Variants in RUNX1 observed in about 807,000 individuals in gnomAD.
The protein encoded by RUNX1 is runt-related transcription factor 1.
Under a neutral mutation model 42.8 loss-of-function variants are expected in RUNX1, and 19 were observed. The ratio of observed to expected loss-of-function variants is 0.44; its 90% CI spans 0.31 to 0.65. RUNX1 has a LOEUF of 0.65. Ranked by LOEUF, RUNX1 falls within the 30% of genes least tolerant of loss-of-function variation. The pLI is 0.07. For missense variants in RUNX1, 528 were observed against 672.0 expected (o/e 0.79, Z 2.37); for synonymous variants, 271 against 289.4 (o/e 0.94, Z 0.64).
chr21:34,938,061 G>A (rs1186567780), intron 2 of RUNX1, among the ~76,000 whole-genome samples: 2 of 152,146 alleles, frequency 1.3e-5, no homozygotes, highest in African/African-American at 4.8e-5. Context: ...ACATGTATGG[G>A]TTCTGCAGTT....
intron 2 of RUNX1, among the ~76,000 whole-genome samples, chr21:34,930,391 C>T (rs1241236021): frequency 5.3e-5 from 8 of 150,606 alleles, no homozygotes; most frequent in Non-Finnish European, 1.2e-4. Flanking sequence ...GGAGGGATGG[C>T]CAAATAAGGT....
At chr21:35,038,358 C>G (rs918230627) in intron 2 of RUNX1, 1 of 337,012 alleles carries the variant, frequency 3.0e-6, no homozygotes, top group African/African-American at 2.2e-5. Flanking sequence ...AAAGAAAACA[C>G]GATTCCTCCT....
intron 2 of RUNX1, among the ~76,000 whole-genome samples, chr21:34,914,589 T>C (rs2058297448): frequency 6.6e-6 from 1 of 152,184 alleles, no homozygotes; most frequent in African/African-American, 2.4e-5. Flanking sequence ...GTTGGGCGTA[T>C]GGGAGAAGGA....
At chr21:34,958,825 A>T (rs1434661606) in intron 2 of RUNX1, among the ~76,000 whole-genome samples, 2 of 152,012 alleles carry the variant, frequency 1.3e-5, no homozygotes, top group African/African-American at 4.8e-5. Context: ...GATAGACTGG[A>T]TTAAGAAAAT....
intron 2 of RUNX1, among the ~76,000 whole-genome samples, chr21:34,913,670 G>A (rs1362547948): frequency 6.6e-6 from 1 of 152,114 alleles, no homozygotes; most frequent in East Asian, 1.9e-4. Context: ...CCTTTACATT[G>A]TATTCTTTAA....
intron 2 of RUNX1, among the ~76,000 whole-genome samples, chr21:34,944,656 G>A (rs754306587): frequency 2.2e-4 from 34 of 152,308 alleles, no homozygotes; most frequent in Admixed American, 1.6e-3. Context: ...TCTTAGGACA[G>A]ATGGCACATG....
chr21:34,851,462 T>C (rs1249311240), intron 6 of RUNX1, among the ~76,000 whole-genome samples: 1 of 152,248 alleles, frequency 6.6e-6, no homozygotes, highest in African/African-American at 2.4e-5. Context: ...GTATTTAAGA[T>C]AATTGCTCAA....
intron 8 of RUNX1, among the ~76,000 whole-genome samples, chr21:34,793,348 TGTATA>T (rs1345495760): frequency 1.3e-5 from 2 of 152,126 alleles, no homozygotes; most frequent in Non-Finnish European, 2.9e-5. Context: ...TAGCATAATA[TGTATA>T]GTATAGATAT....
chr21:35,024,672 CT>C (rs2059223110), intron 2 of RUNX1, among the ~76,000 whole-genome samples: 1 of 152,184 alleles, frequency 6.6e-6, no homozygotes. Flanking sequence ...CTTTTATTTT[CT>C]TTTTAACTAG....
intron 7 of RUNX1, among the ~76,000 whole-genome samples, chr21:34,816,006 T>C (rs1323640437): frequency 6.6e-6 from 1 of 151,478 alleles, no homozygotes; most frequent in Non-Finnish European, 1.5e-5. Flanking sequence ...AGAAGGGAAA[T>C]GGCCCAAGAA....
intron 2 of RUNX1, among the ~76,000 whole-genome samples, chr21:34,934,495 C>T (rs1017123906): frequency 6.6e-6 from 1 of 152,156 alleles, no homozygotes; most frequent in Admixed American, 6.5e-5. Flanking sequence ...TCATGTCACA[C>T]CCAACCTGCC....
chr21:34,948,587 T>C (rs1026175061), intron 2 of RUNX1, among the ~76,000 whole-genome samples: 1 of 152,000 alleles, frequency 6.6e-6, no homozygotes, highest in African/African-American at 2.4e-5. Context: ...GTGGTATCAT[T>C]TGTGGATGTG....
At chr21:35,046,452 G>T (rs1037066500) in intron 2 of RUNX1, among the ~76,000 whole-genome samples, 1 of 152,194 alleles carries the variant, frequency 6.6e-6, no homozygotes, top group Non-Finnish European at 1.5e-5. Context: ...CACAGTTGCC[G>T]TTGGGGAGGG....
At chr21:34,929,642 T>C (rs546485507) in intron 2 of RUNX1, among the ~76,000 whole-genome samples, 4 of 152,186 alleles carry the variant, frequency 2.6e-5, no homozygotes, top group Non-Finnish European at 5.9e-5. Flanking sequence ...AGGAAAATTT[T>C]TAAAATACTC....
At chr21:34,894,811 A>T (rs138597770) in intron 2 of RUNX1, among the ~76,000 whole-genome samples, 59 of 151,884 alleles carry the variant, frequency 3.9e-4, no homozygotes, top group African/African-American at 1.3e-3. Context: ...CATTTTACAG[A>T]TAAGGAACCT....
chr21:34,811,299 T>G (rs1037789945), intron 7 of RUNX1, among the ~76,000 whole-genome samples: 1 of 152,262 alleles, frequency 6.6e-6, no homozygotes, highest in Non-Finnish European at 1.5e-5. Flanking sequence ...GGGCTGCTTC[T>G]GTGCTCTCTT....
chr21:34,882,153 T>C (rs2057914273), intron 4 of RUNX1, among the ~76,000 whole-genome samples: 1 of 152,202 alleles, frequency 6.6e-6, no homozygotes, highest in Non-Finnish European at 1.5e-5. Context: ...TCAGGCCTCT[T>C]TTTCTATATG....
intron 2 of RUNX1, among the ~76,000 whole-genome samples, chr21:34,956,805 A>G (rs1051838639): frequency 1.3e-5 from 2 of 152,136 alleles, no homozygotes; most frequent in African/African-American, 4.8e-5. Flanking sequence ...CCATATATAC[A>G]GTGATATGCA....
In RUNX1 at chr21:34,949,926, C is replaced by T. The variant is rs182132079; in HGVS notation, c.59-56963G>A. Among the ~76,000 whole-genome samples, 243 of 152,316 alleles carry T rather than the reference C, an allele frequency of 1.6e-3. 4 individuals carry two copies. The highest frequency in any genetic ancestry group is 3.8e-4 in the Non-Finnish European group (26 of 68,022). On this transcript the variant is annotated intron_variant, in intron 2 of 8. Coordinates refer to ENST00000675419, the MANE Select transcript of RUNX1 (RefSeq NM_001754.5). Reference sequence around the variant, plus strand: ...TCCCTCCGAACTGACTGGCATAAAGCGGATGATGGGGCTTTGACATCTTGT... The same window carrying T: ...TCCCTCCGAACTGACTGGCATAAAGTGGATGATGGGGCTTTGACATCTTGT...
Sources: allele counts gnomAD v4.1 joint callset (sites outside exome capture counted in the v4.1 genomes callset), GRCh38; gene constraint gnomAD v4.1.1; transcripts MANE v1.5; gene names NCBI Gene and HGNC (gene_info 2026-07-23, HGNC 2026-07-21).